Variants in SFMBT2 observed in about 807,000 individuals in gnomAD.
The protein encoded by SFMBT2 is Scm like with four mbt domains 2.
Under a neutral mutation model 110.1 loss-of-function variants are expected in SFMBT2, and 38 were observed. The ratio of observed to expected loss-of-function variants is 0.35; its 90% confidence interval spans 0.27 to 0.45. The LOEUF (loss-of-function observed/expected upper bound fraction) is 0.45, where lower values mean the gene tolerates loss of function less well. Ranked by LOEUF, SFMBT2 falls within the 20% of genes least tolerant of loss-of-function variation. The pLI, the probability that SFMBT2 is intolerant of heterozygous loss-of-function variation, is 1.00. For missense variants in SFMBT2, 1,011 were observed against 1,094.9 expected (o/e 0.92, Z 1.08); for synonymous variants, 425 against 425.4 (o/e 1.00, Z 0.01).
chr10:7,180,133 C>CTTTTTTT (rs34158255), intron 16 of SFMBT2, among the ~76,000 whole-genome samples: 2 of 128,992 alleles, frequency 1.6e-5, no homozygotes. Context: ...CTTTTTTTTG[C>CTTTTTTT]TTTTTTTGAG....
intron 4 of SFMBT2, among the ~76,000 whole-genome samples, chr10:7,341,766 G>A (rs1021313499): frequency 2.0e-5 from 3 of 152,186 alleles, no homozygotes; most frequent in African/African-American, 7.2e-5. Context: ...TCTGGAAAAC[G>A]AGGGTGGTAA....
chr10:7,354,321 G>A (rs1844427338), intron 4 of SFMBT2, among the ~76,000 whole-genome samples: 1 of 152,120 alleles, frequency 6.6e-6, no homozygotes, highest in Non-Finnish European at 1.5e-5. Context: ...GATTAAAATT[G>A]TCATTAGTCT....
intron 7 of SFMBT2, among the ~76,000 whole-genome samples, chr10:7,268,515 A>ATT (rs770466011): frequency 4.1e-5 from 6 of 147,138 alleles, no homozygotes; most frequent in Non-Finnish European, 7.5e-5. Flanking sequence ...GTTTTATCTA[A>ATT]TTTTTTTTTT....
chr10:7,222,879 C>T (rs1201724313), intron 10 of SFMBT2, among the ~76,000 whole-genome samples: 1 of 152,052 alleles, frequency 6.6e-6, no homozygotes. Flanking sequence ...ACCATGTTGG[C>T]CAGGCTGATC....
chr10:7,402,023 T>A (rs1357446856), intron 1 of SFMBT2, among the ~76,000 whole-genome samples: 3 of 151,710 alleles, frequency 2.0e-5, no homozygotes, highest in Admixed American at 2.0e-4. Context: ...ACAGATATAA[T>A]GCAGACAGGA....
rs761383611 is a variant in SFMBT2 at position 7,243,675 on chromosome 10, T to C, written c.1003A>G (p.Ile335Val). The change falls in exon 9 of 21, where the codon ATT (isoleucine) becomes GTT (valine). Residue 335 changes from isoleucine to valine, a missense_variant. Around this residue, in one of 2 missense-constraint regions of SFMBT2, gnomAD observed 979 missense variants for 1,016.1 expected, o/e 0.96. Transcript: ENST00000397167. ...CTTGGTTCAGGTCTTAGGTCATCAA[T>C]AGTCACTTGAAAAAAGTGATTGTTA... Reference protein sequence around the residue: ...VFNNHFFQVTIDDLRPEPSKL... With the variant: ...VFNNHFFQVTVDDLRPEPSKL... The C allele has an allele frequency of 2.3e-6, 2 of 872,644 alleles. No individual in the cohort carries two copies. Among genetic ancestry groups the C allele is most frequent in the African/African-American group, 1.6e-5 (1 of 61,416 alleles). The allele number at this position is 872,644 out of a possible 1,614,324, so 54.1% of individuals were successfully genotyped here.
chr10:7,274,170 G>A (rs1416526349), intron 7 of SFMBT2, among the ~76,000 whole-genome samples: 1 of 152,180 alleles, frequency 6.6e-6, no homozygotes, highest in Non-Finnish European at 1.5e-5. Context: ...AGAAGCAAGT[G>A]TGGTAACCCC....
intron 4 of SFMBT2, among the ~76,000 whole-genome samples, chr10:7,315,107 A>AGAAG (rs1491227145): frequency 1.4e-5 from 2 of 141,178 alleles, no homozygotes. Context: ...AAAGAAAGAA[A>AGAAG]GAAAAAGCAA....
At chr10:7,341,156 G>A (rs1428577310) in intron 4 of SFMBT2, among the ~76,000 whole-genome samples, 1 of 152,192 alleles carries the variant, frequency 6.6e-6, no homozygotes, top group Non-Finnish European at 1.5e-5. Context: ...ATTCACCTAA[G>A]GCAATCAGTG....
In SFMBT2 at chr10:7,171,858, C is replaced by T; in HGVS notation, c.2415+37G>A. On this transcript the variant is annotated intron_variant, in intron 19 of 20. Coordinates refer to ENST00000397167, the MANE Select transcript of SFMBT2 (RefSeq NM_001387889.1). The surrounding 1 kb of genome is among the most constrained non-coding windows in gnomAD (Gnocchi z 4.9). ...TGTAACAGGTGTGCTTCTTCAGACC[C>T]AGCGGGAAGCCCTCTGTCCCCACGC... 1 of 1,389,654 alleles carries T rather than the reference C, an allele frequency of 7.2e-7. No individual in the cohort carries two copies. Among genetic ancestry groups the T allele is most frequent in the Non-Finnish European group, 9.3e-7 (1 of 1,074,576 alleles). 86.1% of individuals were successfully genotyped at this position (1,389,654 alleles called of 1,614,324 possible). A position where few individuals can be genotyped will look rare whatever the true frequency, so the allele number is the denominator to read the frequency against.
chr10:7,276,679 C>G (rs1233216980), intron 7 of SFMBT2, among the ~76,000 whole-genome samples: 2 of 152,264 alleles, frequency 1.3e-5, no homozygotes, highest in African/African-American at 2.4e-5. Context: ...CAGGCACACA[C>G]CACACGCCTG....
At chr10:7,364,647 A>G (rs1334026309) in intron 4 of SFMBT2, among the ~76,000 whole-genome samples, 1 of 152,244 alleles carries the variant, frequency 6.6e-6, no homozygotes, top group Admixed American at 6.5e-5. Context: ...AGGGCCTTTC[A>G]AGATTCAAGT....
At chr10:7,188,793 G>T in intron 15 of SFMBT2, 60 bp from the exon 16 acceptor site, 1 of 1,423,736 alleles carries the variant, frequency 7.0e-7, no homozygotes, top group Middle Eastern at 1.8e-4. Context: ...ACTAACACAA[G>T]GATGCTTTGA....
intron 4 of SFMBT2, among the ~76,000 whole-genome samples, chr10:7,364,270 T>C (rs1844820408): frequency 2.0e-5 from 3 of 152,258 alleles, no homozygotes; most frequent in Admixed American, 2.0e-4. Context: ...TTCCTCAAAT[T>C]AGCATAAGTT....
chr10:7,398,944 A>C (rs1244540992), intron 1 of SFMBT2, among the ~76,000 whole-genome samples: 1 of 152,250 alleles, frequency 6.6e-6, no homozygotes, highest in African/African-American at 2.4e-5. Context: ...GATAATGCCT[A>C]ATTAGGGCAT....
intron 7 of SFMBT2, among the ~76,000 whole-genome samples, chr10:7,254,716 T>C (rs1840939202): frequency 6.6e-6 from 1 of 152,080 alleles, no homozygotes; most frequent in Non-Finnish European, 1.5e-5. Context: ...TAGTCCTAGC[T>C]ACTCAGGAGG....
chr10:7,299,291 A>T (rs1451602937), intron 4 of SFMBT2, among the ~76,000 whole-genome samples: 1 of 152,188 alleles, frequency 6.6e-6, no homozygotes, highest in Non-Finnish European at 1.5e-5. Flanking sequence ...TCATAAGAGT[A>T]AAGAGGCAAC....
chr10:7,273,798 T>C (rs1259040142), intron 7 of SFMBT2, among the ~76,000 whole-genome samples: 2 of 152,192 alleles, frequency 1.3e-5, no homozygotes, highest in South Asian at 2.1e-4. Flanking sequence ...GGAGAGGATG[T>C]GGAGAGATAG....
At chr10:7,347,729 T>A (rs1415117765) in intron 4 of SFMBT2, among the ~76,000 whole-genome samples, 2 of 152,076 alleles carry the variant, frequency 1.3e-5, no homozygotes, top group Non-Finnish European at 1.5e-5. Context: ...TCAAAAAAAA[T>A]TAAATTTGAT....
Sources: gnomAD v4.1 joint callset for allele counts (sites outside exome capture counted in the v4.1 genomes callset) on GRCh38, gnomAD v4.1.1 for gene constraint, gnomAD v4.1.1 regional missense constraint, Gnocchi (gnomAD v3.1) non-coding constraint, MANE v1.5 for transcripts, NCBI Gene and HGNC (gene_info 2026-07-23, HGNC 2026-07-21) for gene names.